The following LNX2 variants were observed in gnomAD, a reference collection of about 807,000 sequenced individuals.
LNX2 encodes the protein ligand of numb-protein X 2.
LNX2 carries 35 observed loss-of-function variants against 66.2 expected under a neutral mutation model. That is an observed-to-expected ratio of 0.53 (90% confidence interval 0.40 to 0.70). LNX2 has a LOEUF of 0.70. Ranked by LOEUF, LNX2 falls within the 30% of genes least tolerant of loss-of-function variation. The pLI, the probability that LNX2 is intolerant of heterozygous loss-of-function variation, is 0.00. For missense variants in LNX2, 791 were observed against 850.8 expected (o/e 0.93, Z 0.87); for synonymous variants, 337 against 315.6 (o/e 1.07, Z -0.72).
intron 1 of LNX2, among the ~76,000 whole-genome samples, chr13:27,613,248 G>C (rs1955791657): frequency 6.6e-6 from 1 of 152,126 alleles, no homozygotes; most frequent in Non-Finnish European, 1.5e-5. Context: ...GAGACGCTCT[G>C]CAAGGCCAAA....
rs1955245826 is a variant in LNX2 at position 27,569,176 on chromosome 13, G to A, written c.508C>T (p.Pro170Ser). 2 of 1,612,840 alleles carry A rather than the reference G, an allele frequency of 1.2e-6. No individual in the cohort carries two copies. The highest frequency in any genetic ancestry group is 1.7e-5 in the Admixed American group (1 of 59,818). Residue 170 changes from proline (P) to serine (S), a missense_variant, in exon 3 of 10, where the codon CCT (proline) becomes TCT (serine). Coordinates refer to ENST00000316334, the MANE Select transcript of LNX2 (RefSeq NM_153371.4). ...GCTTCTGGAGATAAGGTACCTGCAG[G>A]ATCTAGTAGAGTGGGCCCATTTTCA... is the stretch of plus-strand genomic sequence containing the variant. Reference protein sequence around the residue: ...ENENGPTLLDPAGTLSPEADC... With the variant: ...ENENGPTLLDSAGTLSPEADC...
intron 1 of LNX2, among the ~76,000 whole-genome samples, chr13:27,583,246 G>T (rs1405804006): frequency 2.4e-5 from 1 of 41,476 alleles, no homozygotes; most frequent in Non-Finnish European, 4.7e-5. Context: ...GTGTGTGTGT[G>T]TGTGTGTGTG....
intron 1 of LNX2, among the ~76,000 whole-genome samples, chr13:27,615,561 A>G (rs1379642220): frequency 6.6e-6 from 1 of 152,058 alleles, no homozygotes; most frequent in East Asian, 1.9e-4. Context: ...TGACAGTCCT[A>G]ACCCTCTAAT....
intron 1 of LNX2, among the ~76,000 whole-genome samples, chr13:27,618,561 A>G (rs1392404365): frequency 6.6e-6 from 1 of 152,220 alleles, no homozygotes; most frequent in African/African-American, 2.4e-5. Flanking sequence ...CTCCTGCTTA[A>G]AATTAGCAGC....
rs201124725 is a variant in LNX2 at position 27,569,131 on chromosome 13, C to T, written c.553G>A (p.Ala185Thr). Residue 185 changes from alanine (A) to threonine (T), a missense_variant, in exon 3 of 10, where the codon GCA becomes ACA. Physicochemically the swap from Ala to Thr is moderately conservative, Grantham distance 58. Coordinates refer to ENST00000316334, the MANE Select transcript of LNX2 (RefSeq NM_153371.4). ...GTCAAGTGCCGCTCCACAGGCACTG[C>T]GCCTGTCCCCAAACAGTCTGCTTCT... Reference protein sequence around the residue: ...SPEADCLGTGAVPVERHLTSA... With the variant: ...SPEADCLGTGTVPVERHLTSA... 49 of 1,612,836 alleles carry T rather than the reference C, an allele frequency of 3.0e-5. No individual in the cohort carries two copies. The East Asian group carries it at 4.2e-4, about 14-fold the overall frequency.
intron 2 of LNX2, among the ~76,000 whole-genome samples, chr13:27,576,051 C>T (rs1162346012): frequency 6.6e-6 from 1 of 152,040 alleles, no homozygotes; most frequent in African/African-American, 2.4e-5. Context: ...GAATGGGCTA[C>T]AAGAAACATA....
chr13:27,594,856 CCT>C (rs968128217), intron 1 of LNX2, among the ~76,000 whole-genome samples: 5 of 152,008 alleles, frequency 3.3e-5, no homozygotes, highest in African/African-American at 1.2e-4. Flanking sequence ...ATTCCCACCA[CCT>C]CTCTCAGTTA....
intron 1 of LNX2, among the ~76,000 whole-genome samples, chr13:27,603,489 A>G (rs958890270): frequency 6.6e-6 from 1 of 152,184 alleles, no homozygotes; most frequent in African/African-American, 2.4e-5. Context: ...ATATATTATG[A>G]TATTTTTCAA....
intron 2 of LNX2, among the ~76,000 whole-genome samples, chr13:27,570,511 C>T (rs1230637890): frequency 6.6e-6 from 1 of 152,016 alleles, no homozygotes; most frequent in Non-Finnish European, 1.5e-5. Flanking sequence ...TTCTTGTTTG[C>T]TCTACACCTT....
At position 27,556,420 on chromosome 13, in the gene LNX2, C is replaced by T. The variant is rs1264354824; in HGVS notation, c.1369-7G>A. On this transcript the variant is annotated splice_region_variant and splice_polypyrimidine_tract_variant and intron_variant, in intron 6 of 9. Transcript: ENST00000316334. ...TAACACACTGAGTAAGATCCTAAAA[C>T]ATACAAGAAAAAAATCATTGGATAA... 6.2e-7 allele frequency: 1 copy of T among 1,609,362 alleles called. No individual in the cohort carries two copies. Among genetic ancestry groups the T allele is most frequent in the East Asian group, 2.2e-5 (1 of 44,736 alleles).
At chr13:27,554,826 G>C (rs751616840) in intron 7 of LNX2, among the ~76,000 whole-genome samples, 11 of 152,212 alleles carry the variant, frequency 7.2e-5, no homozygotes, top group South Asian at 6.2e-4. Context: ...AAAAACAGTT[G>C]TACCACTTTA....
intron 1 of LNX2, among the ~76,000 whole-genome samples, chr13:27,618,929 C>G (rs1004972082): frequency 3.9e-5 from 6 of 152,190 alleles, no homozygotes; most frequent in Admixed American, 6.5e-5. Flanking sequence ...GAAATGCTCC[C>G]TAAGTTCAAA....
chr13:27,558,376 A>C (rs1955088850), intron 6 of LNX2, among the ~76,000 whole-genome samples: 1 of 152,098 alleles, frequency 6.6e-6, no homozygotes, highest in African/African-American at 2.4e-5. Flanking sequence ...ATTGTCATAT[A>C]AAATTAAAGA....
chr13:27,591,524 A>G (rs1305672784), intron 1 of LNX2, among the ~76,000 whole-genome samples: 9 of 152,170 alleles, frequency 5.9e-5, no homozygotes, highest in Non-Finnish European at 1.3e-4. Context: ...GTGAACTTTC[A>G]CAAACCAACT....
intron 1 of LNX2, among the ~76,000 whole-genome samples, chr13:27,606,590 T>C (rs2138467295): frequency 6.6e-6 from 1 of 152,250 alleles, no homozygotes; most frequent in East Asian, 1.9e-4. Flanking sequence ...TACAGAACAG[T>C]ATGAGTTTTA....
chr13:27,618,377 G>C (rs1955849675), intron 1 of LNX2, among the ~76,000 whole-genome samples: 3 of 152,184 alleles, frequency 2.0e-5, no homozygotes, highest in Admixed American at 2.0e-4. Flanking sequence ...AGAGGTTTCA[G>C]TGTATGACAG....
upstream of LNX2, chr13:27,621,096 C>G (rs1431737431): frequency 1.3e-5 from 2 of 153,414 alleles, no homozygotes; most frequent in African/African-American, 4.8e-5. Flanking sequence ...CGAGCCTGGG[C>G]GGCGAAAGGT....
At chr13:27,583,168 C>CTG in intron 1 of LNX2, among the ~76,000 whole-genome samples, 1 of 71,268 alleles carries the variant, frequency 1.4e-5, no homozygotes, top group Admixed American at 1.5e-4. Context: ...CTCAGAGCAG[C>CTG]AGTGTGTGTG....
chr13:27,557,626 A>AT (rs58842015), intron 6 of LNX2, among the ~76,000 whole-genome samples: 2,430 of 152,168 alleles, frequency 0.016, 75 homozygotes, highest in African/African-American at 0.056. Flanking sequence ...AAATCACATT[A>AT]GAGAATTGAC....
Sources: allele counts gnomAD v4.1 joint callset (sites outside exome capture counted in the v4.1 genomes callset), GRCh38; gene constraint gnomAD v4.1.1; transcripts MANE v1.5; gene names NCBI Gene and HGNC (gene_info 2026-07-23, HGNC 2026-07-21).